Variants in NUBPL observed in about 807,000 individuals in gnomAD.
The protein encoded by NUBPL is iron-sulfur cluster transfer protein NUBPL.
Under a neutral mutation model 45.7 loss-of-function variants are expected in NUBPL, and 31 were observed. The observed-to-expected ratio is 0.68, with a 90% CI of 0.51 to 0.92. The LOEUF (loss-of-function observed/expected upper bound fraction) is 0.92, where lower values mean the gene tolerates loss of function less well. Ranked by LOEUF, NUBPL falls within the 40% of genes least tolerant of loss-of-function variation. NUBPL has a pLI of 0.00. For missense variants in NUBPL, 401 were observed against 398.7 expected (o/e 1.01, Z -0.05); for synonymous variants, 144 against 140.9 (o/e 1.02, Z -0.15).
At chr14:31,725,625 A>T (rs1483056948) in intron 6 of NUBPL, among the ~76,000 whole-genome samples, 2 of 151,896 alleles carry the variant, frequency 1.3e-5, no homozygotes, top group Non-Finnish European at 1.5e-5. Flanking sequence ...ACCCCATCAC[A>T]TGAAGTCAGA....
intron 3 of NUBPL, among the ~76,000 whole-genome samples, chr14:31,570,801 C>T (rs928573650): frequency 2.0e-5 from 3 of 152,134 alleles, no homozygotes; most frequent in African/African-American, 7.2e-5. Context: ...TCTGAAGATA[C>T]AAAAATGAAT....
intron 6 of NUBPL, among the ~76,000 whole-genome samples, chr14:31,725,285 A>G (rs2139960311): frequency 6.6e-6 from 1 of 152,238 alleles, no homozygotes; most frequent in Admixed American, 6.5e-5. Context: ...AGAGACAGAG[A>G]GGTCAACAGG....
chr14:31,596,115 C>T (rs957768699), intron 3 of NUBPL, among the ~76,000 whole-genome samples: 7 of 151,914 alleles, frequency 4.6e-5, no homozygotes, highest in African/African-American at 9.7e-5. Context: ...ACCATGTTAG[C>T]CAGGATGATT....
intron 6 of NUBPL, among the ~76,000 whole-genome samples, chr14:31,680,607 C>G (rs1433887397): frequency 1.3e-5 from 2 of 151,950 alleles, no homozygotes; most frequent in Non-Finnish European, 2.9e-5. Context: ...AGTTGTCCCT[C>G]AATATCTGTG....
At position 31,664,788 on chromosome 14, in the gene NUBPL, T is replaced by C. The variant is rs553806975; in HGVS notation, c.383-8567T>C. On this transcript the variant is annotated intron_variant, in intron 4 of 10. Transcript: ENST00000281081. ...GGGAGGAGTCCCTCTTTTCTGTTGT[T>C]TGTAATAGTTTCAGAAGGAATGGTA... Among the ~76,000 whole-genome samples, 6 of 152,312 alleles carry C rather than the reference T, an allele frequency of 3.9e-5. No individual in the cohort carries two copies. In the South Asian group the frequency reaches 1.0e-3, roughly 26 times the overall value.
chr14:31,665,027 T>C (rs1305953462), intron 4 of NUBPL, among the ~76,000 whole-genome samples: 1 of 152,214 alleles, frequency 6.6e-6, no homozygotes. Context: ...GTTTATAGTA[T>C]TCTCTGATGG....
At chr14:31,853,265 A>G (rs1052261451) in intron 10 of NUBPL, among the ~76,000 whole-genome samples, 2 of 152,208 alleles carry the variant, frequency 1.3e-5, no homozygotes, top group African/African-American at 4.8e-5. Flanking sequence ...CATGTTGCCC[A>G]GGCTGGTGTC....
chr14:31,853,753 G>A (rs1365423207), intron 10 of NUBPL, among the ~76,000 whole-genome samples: 1 of 152,106 alleles, frequency 6.6e-6, no homozygotes, highest in African/African-American at 2.4e-5. Flanking sequence ...ACACCACTTA[G>A]GAAAGGCAAG....
At chr14:31,841,917 C>CTTTTTTTTTTTTT (rs547795007) in intron 8 of NUBPL, among the ~76,000 whole-genome samples, 4 of 43,046 alleles carry the variant, frequency 9.3e-5, no homozygotes, top group African/African-American at 1.8e-4. Context: ...CGATTCTGGG[C>CTTTTTTTTTTTTT]TTTTTTTTTT....
rs34598831 is a variant in NUBPL, at chr14:31,813,438, TACACAC to T, written c.608-13167_608-13162del. Among the ~76,000 whole-genome samples the T allele has an allele frequency of 5.3e-3, 787 of 147,448 alleles. 3 individuals are homozygous for T. Among genetic ancestry groups the T allele is most frequent in the African/African-American group, 6.0e-3 (241 of 40,208 alleles). On this transcript the variant is annotated intron_variant, in intron 7 of 10. Transcript: ENST00000281081. ...GGCGAACTTGTATTCTTTTTTGCTA[TACACAC>T]ACACACACACACACACACACACATA...
intron 7 of NUBPL, among the ~76,000 whole-genome samples, chr14:31,810,119 G>A (rs949012903): frequency 1.3e-5 from 2 of 152,192 alleles, no homozygotes; most frequent in African/African-American, 4.8e-5. Flanking sequence ...GAGTTCTGTA[G>A]ATGTCTATTA....
intron 10 of NUBPL, among the ~76,000 whole-genome samples, chr14:31,851,108 T>C (rs1475237516): frequency 6.6e-6 from 1 of 152,150 alleles, no homozygotes; most frequent in East Asian, 1.9e-4. Flanking sequence ...ATAAAATTAA[T>C]CATACATATT....
intron 6 of NUBPL, among the ~76,000 whole-genome samples, chr14:31,706,318 C>A (rs1480928375): frequency 6.6e-6 from 1 of 152,120 alleles, no homozygotes; most frequent in Admixed American, 6.5e-5. Flanking sequence ...GTCCAGGGGT[C>A]CTCGGTAGAA....
At chr14:31,784,701 C>T (rs886666237) in intron 6 of NUBPL, among the ~76,000 whole-genome samples, 2 of 152,030 alleles carry the variant, frequency 1.3e-5, no homozygotes, top group Admixed American at 6.6e-5. Flanking sequence ...CCAAAGAACC[C>T]TGTATTGAGA....
intron 4 of NUBPL, among the ~76,000 whole-genome samples, chr14:31,652,456 A>C (rs910847565): frequency 2.0e-5 from 3 of 152,230 alleles, no homozygotes; most frequent in African/African-American, 7.2e-5. Context: ...TGTTCTCACC[A>C]CAAAAAATTG....
chr14:31,788,712 G>A (rs967332301), intron 7 of NUBPL, among the ~76,000 whole-genome samples: 1 of 152,124 alleles, frequency 6.6e-6, no homozygotes, highest in African/African-American at 2.4e-5. Context: ...GGCATCTTAA[G>A]GGGTATTTCA....
chr14:31,597,992 C>G (rs1343793558), intron 3 of NUBPL, among the ~76,000 whole-genome samples: 1 of 152,124 alleles, frequency 6.6e-6, no homozygotes, highest in Admixed American at 6.5e-5. Flanking sequence ...GACTGTTCCT[C>G]CCTTCTTAAA....
intron 6 of NUBPL, among the ~76,000 whole-genome samples, chr14:31,760,182 A>AGAGAGAGAGAGAGAGAGC (rs1310961791): frequency 6.8e-6 from 1 of 146,534 alleles, no homozygotes; most frequent in African/African-American, 2.5e-5. Context: ...AGAGAGAGAG[A>AGAGAGAGAGAGAGAGAGC]CAGGGTGTCA....
At chr14:31,816,392 T>A (rs1047452768) in intron 7 of NUBPL, among the ~76,000 whole-genome samples, 5 of 152,208 alleles carry the variant, frequency 3.3e-5, no homozygotes, top group African/African-American at 4.8e-5. Flanking sequence ...TTTATCATTT[T>A]TTATTGTGTC....
Sources: gnomAD v4.1 joint callset for allele counts (sites outside exome capture counted in the v4.1 genomes callset) on GRCh38, gnomAD v4.1.1 for gene constraint, MANE v1.5 for transcripts, NCBI Gene and HGNC (gene_info 2026-07-23, HGNC 2026-07-21) for gene names.